The following MEP1A variants were observed in gnomAD, a reference collection of about 807,000 sequenced individuals.
MEP1A encodes meprin A subunit alpha, also known as N-benzoyl-L-tyrosyl-P-amino-benzoic acid hydrolase subunit alpha.
Under a neutral mutation model 84.5 loss-of-function variants are expected in MEP1A, and 68 were observed. The ratio of observed to expected loss-of-function variants is 0.80; its 90% CI spans 0.66 to 0.98. The LOEUF is 0.98. MEP1A is among the 50% of genes least tolerant of loss of function. MEP1A has a pLI of 0.00. For synonymous variants in MEP1A, 337 were observed against 336.8 expected, an observed-to-expected ratio of 1.00 and a Z score of -0.01; for missense variants, 887 against 919.9, an observed-to-expected ratio of 0.96 and a Z score of 0.46.
chr6:46,810,707 C>T (rs573850962), intron 6 of MEP1A, among the ~76,000 whole-genome samples: 5 of 152,048 alleles, frequency 3.3e-5, no homozygotes, highest in Admixed American at 6.6e-5. Context: ...ATCCCAGCAC[C>T]GTTTATTGAA....
rs1768300955 is a variant in MEP1A, at chr6:46,839,769, T to G, written c.*633T>G. Reference sequence around the variant, plus strand: ...GGCCTTTAATAAATTTAATAAATATTGAGTTAGCACCTTCTTTGTATCTGG... The same window carrying G: ...GGCCTTTAATAAATTTAATAAATATGGAGTTAGCACCTTCTTTGTATCTGG... On this transcript the variant is annotated 3_prime_UTR_variant, in exon 14 of 14. Transcript: ENST00000230588. 1 of 152,180 alleles carries G rather than the reference T, an allele frequency of 6.6e-6. No individual in the cohort carries two copies. Among genetic ancestry groups the G allele is most frequent in the South Asian group, 2.1e-4 (1 of 4,834 alleles). The allele number at this position is 152,180 out of a possible 1,614,324, so 9.4% of individuals were successfully genotyped here.
At chr6:46,798,259 C>A (rs943920842) in intron 3 of MEP1A, among the ~76,000 whole-genome samples, 1 of 152,112 alleles carries the variant, frequency 6.6e-6, no homozygotes, top group Non-Finnish European at 1.5e-5. Flanking sequence ...TGAGCCACAA[C>A]GCCCAGCCAT....
At chr6:46,817,856 TA>T (rs1767677702) in intron 6 of MEP1A, among the ~76,000 whole-genome samples, 1 of 152,094 alleles carries the variant, frequency 6.6e-6, no homozygotes, top group East Asian at 1.9e-4. Flanking sequence ...ACAGATAATT[TA>T]AGAGAGGGAA....
At chr6:46,822,130 C>CTA (rs1325366252) in intron 7 of MEP1A, among the ~76,000 whole-genome samples, 18 of 152,276 alleles carry the variant, frequency 1.2e-4, no homozygotes, top group African/African-American at 4.3e-4. Context: ...GGTTGACAAA[C>CTA]TATAGTCCAT....
rs1768291101 is a variant in MEP1A, at chr6:46,839,448, C to T, written c.*312C>T. On this transcript the variant is annotated 3_prime_UTR_variant, in exon 14 of 14. Coordinates refer to ENST00000230588, the MANE Select transcript of MEP1A (RefSeq NM_005588.3). ...GGCAGGCACATGTTGTTCTCATTGA[C>T]CGTGCTGGCCCCAGTGCCTAGATGC... 2 of 192,094 alleles carry T rather than the reference C, an allele frequency of 1.0e-5. No individual in the cohort carries two copies. Among genetic ancestry groups the T allele is most frequent in the East Asian group, 2.4e-4 (2 of 8,256 alleles). The allele number at this position is 192,094 out of a possible 1,614,324, so 11.9% of individuals were successfully genotyped here.
chr6:46,830,282 T>A (rs990511099), intron 10 of MEP1A, among the ~76,000 whole-genome samples: 2 of 123,534 alleles, frequency 1.6e-5, no homozygotes, highest in Non-Finnish European at 3.4e-5. Flanking sequence ...AAAAAAAAAA[T>A]TGACCAAAGT....
At chr6:46,819,981 A>G (rs751549009) in intron 7 of MEP1A, among the ~76,000 whole-genome samples, 9 of 152,182 alleles carry the variant, frequency 5.9e-5, no homozygotes, top group Non-Finnish European at 7.3e-5. Context: ...TTAAAACTCT[A>G]TCTAAAACTC....
At chr6:46,830,391 T>A (rs1287792454) in intron 10 of MEP1A, among the ~76,000 whole-genome samples, 4 of 152,040 alleles carry the variant, frequency 2.6e-5, no homozygotes, top group South Asian at 4.2e-4. Context: ...AAGTCATTGG[T>A]ATATGTTAAC....
chr6:46,803,002 T>C (rs1767227959), intron 5 of MEP1A, among the ~76,000 whole-genome samples: 1 of 151,742 alleles, frequency 6.6e-6, no homozygotes, highest in Admixed American at 6.6e-5. Flanking sequence ...TATTAGGCTT[T>C]AGTAATAAAG....
In MEP1A at chr6:46,793,453, A is replaced by G. The variant is rs774541429; in HGVS notation, c.55A>G (p.Ile19Val). 2 of 1,609,276 alleles carry G rather than the reference A, an allele frequency of 1.2e-6. No individual in the cohort carries two copies. The highest frequency in any genetic ancestry group is 1.7e-6 in the Non-Finnish European group (2 of 1,178,592). Reference protein sequence around the residue: ...ILFFTLLFAHIAAVPIKYLPE... With the variant: ...ILFFTLLFAHVAAVPIKYLPE... ...CTTTTTTACCTTGCTTTTTGCCCAC[A>G]TAGCAGCTGTACCGGTAAGTCGAGT... is the stretch of plus-strand genomic sequence containing the variant. The change falls in exon 1 of 14, where the codon ATA (isoleucine) becomes GTA (valine). Residue 19 changes from isoleucine (I) to valine (V), a missense_variant. Ile to Val is a conservative substitution (Grantham distance 29). Transcript: ENST00000230588.
In MEP1A at chr6:46,819,591, C is replaced by G; in HGVS notation, c.443C>G (p.Ala148Gly). Residue 148 changes from alanine (A) to glycine (G), a missense_variant, in exon 7 of 14, where the codon GCC (alanine) becomes GGC (glycine). Transcript: ENST00000230588. ...AACATTTCCATTGGCCAAGGATGTG[C>G]CTATAAGGCCATCATAGAACACGAG... ...GQNISIGQGC[A>G]YKAIIEHEIL... 6.2e-7 allele frequency: 1 copy of G among 1,614,036 alleles called. No homozygotes were observed. Among genetic ancestry groups the G allele is most frequent in the African/African-American group, 1.3e-5 (1 of 75,028 alleles).
intron 13 of MEP1A, among the ~76,000 whole-genome samples, chr6:46,838,192 C>G (rs1236993299): frequency 6.6e-6 from 1 of 151,922 alleles, no homozygotes; most frequent in Non-Finnish European, 1.5e-5. Flanking sequence ...CATGCCCAAC[C>G]AGAAAATGCT....
downstream of MEP1A, among the ~76,000 whole-genome samples, chr6:46,841,683 C>T (rs181056390): frequency 3.9e-5 from 6 of 152,282 alleles, no homozygotes; most frequent in African/African-American, 9.6e-5. Flanking sequence ...ACCATATCCT[C>T]GATACATCCC....
chr6:46,797,832 TTCTTTCTCTCTC>T (rs1767088391), intron 3 of MEP1A, among the ~76,000 whole-genome samples: 1 of 132,088 alleles, frequency 7.6e-6, no homozygotes, highest in Non-Finnish European at 1.7e-5. Flanking sequence ...CTTTCTTTCT[TTCTTTCTCTCTC>T]TCTTTCTTTC....
chr6:46,808,251 C>A (rs1201897209), intron 5 of MEP1A, among the ~76,000 whole-genome samples: 1 of 152,004 alleles, frequency 6.6e-6, no homozygotes, highest in African/African-American at 2.4e-5. Context: ...AATCTCCCAG[C>A]AGATGTAATG....
downstream of MEP1A, among the ~76,000 whole-genome samples, chr6:46,843,815 T>A (rs1264743900): frequency 2.0e-5 from 3 of 152,202 alleles, no homozygotes; most frequent in Non-Finnish European, 4.4e-5. Context: ...TTTTAGAGAT[T>A]CTGAAGTCCA....
At position 46,826,435 on chromosome 6, in the gene MEP1A, C is replaced by A; in HGVS notation, c.860C>A (p.Thr287Asn). 1.2e-6 allele frequency: 2 copies of A among 1,609,072 alleles called. No homozygotes were observed. The highest frequency in any genetic ancestry group is 1.7e-6 in the Non-Finnish European group (2 of 1,177,632). The part of the protein sequence containing the change: ...CGMIQGTRDD[T>N]DWAHQDSAQA... ...ATGATTCAGGGCACCAGAGATGACACTGACTGGGCCCATCAGGACAGTGCT... is the reference window on the plus strand; with the variant it reads ...ATGATTCAGGGCACCAGAGATGACAATGACTGGGCCCATCAGGACAGTGCT... The change falls in exon 9 of 14, where the codon ACT becomes AAT. Residue 287 changes from threonine to asparagine, a missense_variant. Thr to Asn is a moderately conservative substitution (Grantham distance 65). Coordinates refer to ENST00000230588, the MANE Select transcript of MEP1A (RefSeq NM_005588.3).
At chr6:46,803,564 C>G (rs1337921471) in intron 5 of MEP1A, among the ~76,000 whole-genome samples, 2 of 151,344 alleles carry the variant, frequency 1.3e-5, no homozygotes, top group African/African-American at 4.8e-5. Flanking sequence ...TCTCTTGCTT[C>G]TCTGCTTTAT....
intron 3 of MEP1A, among the ~76,000 whole-genome samples, chr6:46,795,866 G>A (rs546741744): frequency 7.9e-5 from 12 of 152,218 alleles, no homozygotes; most frequent in African/African-American, 2.9e-4. Flanking sequence ...TTCCCAAAGT[G>A]TGGTCCACAG....
Sources: allele counts gnomAD v4.1 joint callset (sites outside exome capture counted in the v4.1 genomes callset), GRCh38; gene constraint gnomAD v4.1.1; transcripts MANE v1.5; gene names NCBI Gene and HGNC (gene_info 2026-07-23, HGNC 2026-07-21).